The following SLC45A4 variants were observed in gnomAD, a reference collection of about 807,000 sequenced individuals.
SLC45A4 encodes the protein solute carrier family 45 member 4.
SLC45A4 carries 32 observed loss-of-function variants against 63.7 expected under a neutral mutation model. The ratio of observed to expected loss-of-function variants is 0.50; its 90% CI spans 0.38 to 0.67. SLC45A4 has a LOEUF of 0.67. SLC45A4 is among the 30% of genes least tolerant of loss of function. The probability of loss-of-function intolerance (pLI) is 0.00; values close to 1 mark genes in which losing one functional copy is unlikely to be tolerated. For synonymous variants in SLC45A4, 535 were observed against 510.0 expected (o/e 1.05, Z -0.66); for missense variants, 1,027 against 1,157.7 (o/e 0.89, Z 1.64).
At chr8:141,295,528 C>A (rs1197146048) in intron 1 of SLC45A4, among the ~76,000 whole-genome samples, 1 of 152,174 alleles carries the variant, frequency 6.6e-6, no homozygotes, top group Non-Finnish European at 1.5e-5. Context: ...TAAGGAAATC[C>A]CTTCTGCAAT....
At chr8:141,283,414 G>A (rs1048218946) in intron 1 of SLC45A4, among the ~76,000 whole-genome samples, 1 of 152,196 alleles carries the variant, frequency 6.6e-6, no homozygotes, top group Non-Finnish European at 1.5e-5. Context: ...CCTACCTCTA[G>A]CTCCCAGTGC....
chr8:141,289,262 A>G lies in SLC45A4; in HGVS notation c.-401+18834T>C, dbSNP rs532019014. On this transcript the variant is annotated intron_variant, in intron 1 of 8. Transcript: ENST00000517878. ...GAGAAACAGGGCTGCTGCTTGGGAGACTCGGAGCCAACAGGGGTTGTACTT... is the reference window on the plus strand; with the variant it reads ...GAGAAACAGGGCTGCTGCTTGGGAGGCTCGGAGCCAACAGGGGTTGTACTT... 4.6e-5 allele frequency among the ~76,000 whole-genome samples: 7 copies of G among 152,176 alleles called. No individual in the cohort carries two copies. The East Asian group carries it at 1.4e-3, about 29-fold the overall frequency.
intron 2 of SLC45A4, chr8:141,253,328 T>C: frequency 5.1e-6 from 1 of 196,762 alleles, no homozygotes; most frequent in South Asian, 6.2e-5. Context: ...CATGCCCACC[T>C]GTGCGTCTGT....
chr8:141,302,052 G>C (rs958921470), intron 1 of SLC45A4, among the ~76,000 whole-genome samples: 2 of 152,190 alleles, frequency 1.3e-5, no homozygotes, highest in East Asian at 1.9e-4. Flanking sequence ...TGTCAAGACT[G>C]TTAAGAACAA....
chr8:141,305,330 T>C (rs1464588035), intron 1 of SLC45A4, among the ~76,000 whole-genome samples: 1 of 152,204 alleles, frequency 6.6e-6, no homozygotes, highest in Non-Finnish European at 1.5e-5. Flanking sequence ...CCCCTTCCTT[T>C]CTACAAGGCT....
At position 141,218,706 on chromosome 8, in the gene SLC45A4, G is replaced by C. The variant is rs1300618930; in HGVS notation, c.934C>G (p.His312Asp). 3 of 1,612,632 alleles carry C rather than the reference G, an allele frequency of 1.9e-6. No homozygotes were observed. Among genetic ancestry groups the C allele is most frequent in the Non-Finnish European group, 2.5e-6 (3 of 1,179,374 alleles). ...AGGTCCAGCGCGGTGTCCGGCACGTGCAATGCCGAGTCGCTTTTGCTGCGC... is the reference window on the plus strand; with the variant it reads ...AGGTCCAGCGCGGTGTCCGGCACGTCCAATGCCGAGTCGCTTTTGCTGCGC... ...IMRSKSDSAL[H>D]VPDTALDLEP... Residue 312 changes from histidine (H) to aspartate (D), a missense_variant, in exon 5 of 9, where the codon CAC becomes GAC. His to Asp is a moderately conservative substitution (Grantham distance 81). Transcript: ENST00000517878.
At chr8:141,279,811 C>G (rs1454228017) in intron 1 of SLC45A4, among the ~76,000 whole-genome samples, 3 of 152,262 alleles carry the variant, frequency 2.0e-5, no homozygotes, top group East Asian at 1.9e-4. Context: ...CAAACACAAT[C>G]TGGCTATTGT....
At chr8:141,248,965 T>C (rs1019334511) in intron 2 of SLC45A4, among the ~76,000 whole-genome samples, 1 of 150,248 alleles carries the variant, frequency 6.7e-6, no homozygotes, top group African/African-American at 2.5e-5. Flanking sequence ...CTGCAGTAAG[T>C]TGTGATAGTG....
rs977097718 is a variant in SLC45A4, at chr8:141,263,314, T to C, written c.-400-8685A>G. Among the ~76,000 whole-genome samples the C allele has an allele frequency of 2.6e-5, 4 of 151,642 alleles. No individual in the cohort carries two copies. In the East Asian group the frequency reaches 5.8e-4, roughly 22 times the overall value. ...CACCAACATGGCACATGTATACATA[T>C]GTAACTAACCGGCACATTGTGCACA... On this transcript the variant is annotated intron_variant, in intron 1 of 8. Transcript: ENST00000517878.
At chr8:141,237,454 T>G (rs1156803550) in intron 2 of SLC45A4, among the ~76,000 whole-genome samples, 1 of 152,220 alleles carries the variant, frequency 6.6e-6, no homozygotes, top group African/African-American at 2.4e-5. Flanking sequence ...GGGCACTGCC[T>G]CCTGGCTTCC....
intron 3 of SLC45A4, among the ~76,000 whole-genome samples, chr8:141,221,330 C>CG (rs1314290278): frequency 6.6e-6 from 1 of 152,258 alleles, no homozygotes; most frequent in Admixed American, 6.5e-5. Flanking sequence ...GTGTCAGATA[C>CG]GCATTAAAAA....
intron 2 of SLC45A4, among the ~76,000 whole-genome samples, chr8:141,230,745 A>G (rs1827301132): frequency 6.6e-6 from 1 of 152,252 alleles, no homozygotes; most frequent in South Asian, 2.1e-4. Flanking sequence ...CTGCCCAGGG[A>G]AGTGCAATGC....
At chr8:141,291,384 C>T (rs754652376) in intron 1 of SLC45A4, among the ~76,000 whole-genome samples, 8 of 152,162 alleles carry the variant, frequency 5.3e-5, no homozygotes, top group African/African-American at 9.7e-5. Flanking sequence ...TGGTTATTAT[C>T]TTCTCATAAT....
chr8:141,215,708 G>C lies in SLC45A4; in HGVS notation c.1941+51C>G. 1 of 1,578,268 alleles carries C rather than the reference G, an allele frequency of 6.3e-7. No individual in the cohort carries two copies. Among genetic ancestry groups the C allele is most frequent in the Non-Finnish European group, 8.6e-7 (1 of 1,156,148 alleles). On this transcript the variant is annotated intron_variant, in intron 7 of 8. Transcript: ENST00000517878. This position sits in a 1 kb window ranked among gnomAD's most constrained non-coding sequence, Gnocchi z 4.3. ...CACAGGGCTCTGCTCTGTATGGAGGGAAGGCACTCAGGAGGCTGGAGCGCA... is the reference window on the plus strand; with the variant it reads ...CACAGGGCTCTGCTCTGTATGGAGGCAAGGCACTCAGGAGGCTGGAGCGCA...
chr8:141,219,099 C>T lies in SLC45A4; in HGVS notation c.611-70G>A, dbSNP rs919922974. On this transcript the variant is annotated intron_variant, in intron 4 of 8. Transcript: ENST00000517878. ...CACAGGGGGGGAAGCTCTGGGAGGGCCTCTCCCTCTAACAGGGGGCCGGGG... is the reference window on the plus strand; with the variant it reads ...CACAGGGGGGGAAGCTCTGGGAGGGTCTCTCCCTCTAACAGGGGGCCGGGG... The T allele has an allele frequency of 3.9e-6, 6 of 1,533,816 alleles. No homozygotes were observed. The Admixed American group carries it at 1.1e-4, about 29-fold the overall frequency.
intron 1 of SLC45A4, among the ~76,000 whole-genome samples, chr8:141,259,791 C>T (rs1476516097): frequency 5.9e-5 from 9 of 152,222 alleles, no homozygotes; most frequent in Non-Finnish European, 1.3e-4. Context: ...AACGTCCATG[C>T]TTCTTGAACC....
intron 2 of SLC45A4, among the ~76,000 whole-genome samples, chr8:141,236,580 T>C (rs1447139728): frequency 6.6e-6 from 1 of 152,210 alleles, no homozygotes; most frequent in African/African-American, 2.4e-5. Context: ...TACCTATCCT[T>C]CTGTAAGATC....
intron 2 of SLC45A4, chr8:141,225,292 C>T (rs569875291): frequency 2.0e-5 from 3 of 152,178 alleles, no homozygotes; most frequent in Non-Finnish European, 2.9e-5. Flanking sequence ...TTATTTAACA[C>T]GAGGGTTTGA....
At chr8:141,280,122 G>A (rs1589846614) in intron 1 of SLC45A4, among the ~76,000 whole-genome samples, 1 of 152,170 alleles carries the variant, frequency 6.6e-6, no homozygotes, top group African/African-American at 2.4e-5. Context: ...CCCTCACCCC[G>A]TGTCACACTC....
Sources: allele counts gnomAD v4.1 joint callset (sites outside exome capture counted in the v4.1 genomes callset), GRCh38; gene constraint gnomAD v4.1.1; non-coding constraint Gnocchi (gnomAD v3.1); transcripts MANE v1.5; gene names NCBI Gene and HGNC (gene_info 2026-07-23, HGNC 2026-07-21).